Variants in AKAP19 observed in about 807,000 individuals in gnomAD.
The protein encoded by AKAP19 is small A-kinase anchoring protein.
chr2:189,901,262 TG>T, the AKAP19 span, among the ~76,000 whole-genome samples: 849 of 152,308 alleles, frequency 5.6e-3, 8 homozygotes, highest in African/African-American at 0.019. Context: ...AAACGATTTT[TG>T]CTCTTGGTGT....
the AKAP19 span, among the ~76,000 whole-genome samples, chr2:189,947,808 C>T: frequency 8.6e-5 from 13 of 151,944 alleles, no homozygotes; most frequent in African/African-American, 1.7e-4. Context: ...TAGTGATTTC[C>T]GATTCTAACC....
At chr2:190,111,701 C>T in the AKAP19 span, among the ~76,000 whole-genome samples, 1 of 151,910 alleles carries the variant, frequency 6.6e-6, no homozygotes, top group South Asian at 2.1e-4. Context: ...AGAGAGATGT[C>T]AAGAGGCTGA....
At chr2:189,928,889 T>C in the AKAP19 span, among the ~76,000 whole-genome samples, 2 of 152,204 alleles carry the variant, frequency 1.3e-5, no homozygotes, top group African/African-American at 4.8e-5. Flanking sequence ...TGAATGATTT[T>C]TCTTTACTGT....
the AKAP19 span, among the ~76,000 whole-genome samples, chr2:189,907,606 T>G: frequency 6.6e-6 from 1 of 152,184 alleles, no homozygotes; most frequent in Non-Finnish European, 1.5e-5. Flanking sequence ...ATGATAATTT[T>G]TTTTAGTTAT....
At chr2:190,009,124 A>G in the AKAP19 span, among the ~76,000 whole-genome samples, 2 of 152,200 alleles carry the variant, frequency 1.3e-5, no homozygotes, top group Non-Finnish European at 2.9e-5. Flanking sequence ...GAATAAATTC[A>G]GGAAGCACAG....
At chr2:189,967,638 A>G in the AKAP19 span, among the ~76,000 whole-genome samples, 1 of 152,128 alleles carries the variant, frequency 6.6e-6, no homozygotes, top group African/African-American at 2.4e-5. Flanking sequence ...ATGATCCTAT[A>G]TAAAAGATTT....
the AKAP19 span, among the ~76,000 whole-genome samples, chr2:190,051,972 G>A: frequency 1.3e-5 from 2 of 151,850 alleles, no homozygotes; most frequent in African/African-American, 4.8e-5. Context: ...TCAGTAGCTG[G>A]GACTACAGGC....
At chr2:190,023,394 G>A in the AKAP19 span, among the ~76,000 whole-genome samples, 2 of 151,966 alleles carry the variant, frequency 1.3e-5, no homozygotes, top group Non-Finnish European at 1.5e-5. Context: ...TAGTAACATA[G>A]CATAACTTTT....
the AKAP19 span, among the ~76,000 whole-genome samples, chr2:190,113,122 C>G: frequency 6.6e-6 from 1 of 151,840 alleles, no homozygotes; most frequent in African/African-American, 2.4e-5. Context: ...TTTAAGAAAA[C>G]CTGTAAGTCT....
the AKAP19 span, among the ~76,000 whole-genome samples, chr2:190,053,709 T>G: frequency 1.3e-5 from 2 of 152,190 alleles, no homozygotes; most frequent in Non-Finnish European, 2.9e-5. Flanking sequence ...ACTCGTATGT[T>G]TTATTTTTAG....
the AKAP19 span, among the ~76,000 whole-genome samples, chr2:190,127,906 A>G: frequency 6.6e-6 from 1 of 152,292 alleles, no homozygotes; most frequent in South Asian, 2.1e-4. Context: ...TATATATAAT[A>G]AAACAATATA....
At chr2:190,044,113 G>T in the AKAP19 span, among the ~76,000 whole-genome samples, 2 of 152,206 alleles carry the variant, frequency 1.3e-5, no homozygotes, top group African/African-American at 2.4e-5. Flanking sequence ...TGAAAGTGTG[G>T]GTTCCTTTCC....
chr2:190,075,906 C>A, the AKAP19 span, among the ~76,000 whole-genome samples: 1 of 151,928 alleles, frequency 6.6e-6, no homozygotes, highest in African/African-American at 2.4e-5. Context: ...CTTTTTCTAT[C>A]TTCTTTCAGA....
chr2:190,037,099 G>A, the AKAP19 span, among the ~76,000 whole-genome samples: 1 of 152,218 alleles, frequency 6.6e-6, no homozygotes, highest in Non-Finnish European at 1.5e-5. Flanking sequence ...CTGAAAGAAA[G>A]TTCCAATGAG....
At chr2:189,962,730 G>T in the AKAP19 span, among the ~76,000 whole-genome samples, 2 of 152,046 alleles carry the variant, frequency 1.3e-5, no homozygotes, top group African/African-American at 2.4e-5. Context: ...CCATGAGGAT[G>T]TATTTGTAAT....
chr2:189,917,426 GTC>G, the AKAP19 span: 1 of 797,664 alleles, frequency 1.3e-6, no homozygotes, highest in East Asian at 2.6e-5. Context: ...TCAAAACCAT[GTC>G]TGTTTTTTTT....
At chr2:189,977,023 G>T in the AKAP19 span, among the ~76,000 whole-genome samples, 1 of 152,162 alleles carries the variant, frequency 6.6e-6, no homozygotes, top group Non-Finnish European at 1.5e-5. Context: ...AGATGAAGCT[G>T]CTACCCCAGT....
chr2:190,115,187 G>GAGAGAGAGAC, the AKAP19 span, among the ~76,000 whole-genome samples: 1 of 135,384 alleles, frequency 7.4e-6, no homozygotes, highest in African/African-American at 2.8e-5. Flanking sequence ...GAGAGACAGA[G>GAGAGAGAGAC]AGAGAGAGAC....
At chr2:189,963,199 C>CTTT in the AKAP19 span, among the ~76,000 whole-genome samples, 3 of 136,838 alleles carry the variant, frequency 2.2e-5, no homozygotes, top group East Asian at 2.1e-4. Context: ...CTTCACTTCT[C>CTTT]TTTTTTTTTT....
Sources: allele counts gnomAD v4.1 joint callset (sites outside exome capture counted in the v4.1 genomes callset), GRCh38; gene constraint gnomAD v4.1.1; transcripts MANE v1.5; gene names NCBI Gene and HGNC (gene_info 2026-07-23, HGNC 2026-07-21).